The following MARCHF7 variants were observed in gnomAD, a reference collection of about 807,000 sequenced individuals.
The protein encoded by MARCHF7 is membrane associated ring-CH-type finger 7.
In MARCHF7, 20 loss-of-function variants were observed where a neutral mutation model predicts 76.5. The ratio of observed to expected loss-of-function variants is 0.26; its 90% CI spans 0.18 to 0.38. The LOEUF (loss-of-function observed/expected upper bound fraction) is 0.38, where lower values mean the gene tolerates loss of function less well. Among genes scored for constraint, MARCHF7 ranks in the 10% least tolerant of loss-of-function variants. The probability of loss-of-function intolerance (pLI) is 1.00; values close to 1 mark genes in which losing one functional copy is unlikely to be tolerated. For synonymous variants in MARCHF7, 295 were observed against 293.0 expected (o/e 1.01, Z -0.07); for missense variants, 797 against 812.9 (o/e 0.98, Z 0.24).
intron 3 of MARCHF7, among the ~76,000 whole-genome samples, chr2:159,721,012 C>T (rs1701577629): frequency 6.6e-6 from 1 of 150,922 alleles, no homozygotes; most frequent in East Asian, 1.9e-4. Flanking sequence ...CGCGAGCCAC[C>T]ACACACGGCT....
chr2:159,754,298 A>G (rs1371417209), intron 8 of MARCHF7, among the ~76,000 whole-genome samples: 2 of 152,212 alleles, frequency 1.3e-5, no homozygotes, highest in East Asian at 3.9e-4. Context: ...TGTGTTGTGC[A>G]AGCCAAAAGA....
chr2:159,759,149 C>A, intron 8 of MARCHF7, 77 bp from the exon 9 acceptor site: 1 of 781,510 alleles, frequency 1.3e-6, no homozygotes, highest in Non-Finnish European at 2.1e-6. Flanking sequence ...TTATTTTAAG[C>A]TTAAAACTTA....
At chr2:159,758,220 C>G (rs1480459187) in intron 8 of MARCHF7, among the ~76,000 whole-genome samples, 1 of 152,112 alleles carries the variant, frequency 6.6e-6, no homozygotes, top group Admixed American at 6.5e-5. Context: ...CAGAAAGAAC[C>G]TACAAGTTTA....
At chr2:159,764,537 T>A in intron 10 of MARCHF7, 89 bp from the exon 11 acceptor site, 3 of 1,003,786 alleles carry the variant, frequency 3.0e-6, no homozygotes, top group Non-Finnish European at 4.2e-6. Context: ...TTTGACTTTT[T>A]AAGTAGAAAT....
intron 3 of MARCHF7, among the ~76,000 whole-genome samples, chr2:159,727,542 C>T (rs1021442834): frequency 3.3e-5 from 5 of 152,160 alleles, no homozygotes; most frequent in South Asian, 4.2e-4. Flanking sequence ...GAGCCGAGAT[C>T]GTGCCACTTC....
At chr2:159,739,557 T>C (rs1021899292) in intron 4 of MARCHF7, among the ~76,000 whole-genome samples, 1 of 152,232 alleles carries the variant, frequency 6.6e-6, no homozygotes, top group East Asian at 1.9e-4. Context: ...AAGACAGACT[T>C]ATTCCCTGAT....
intron 6 of MARCHF7, 40 bp from the exon 7 acceptor site, chr2:159,747,765 A>C: frequency 6.6e-7 from 1 of 1,518,008 alleles, no homozygotes; most frequent in South Asian, 1.4e-5. Flanking sequence ...ATAATGCTCA[A>C]ATTATTTCAT....
At chr2:159,750,867 T>A (rs1175483273) in intron 7 of MARCHF7, among the ~76,000 whole-genome samples, 1 of 152,152 alleles carries the variant, frequency 6.6e-6, no homozygotes, top group Non-Finnish European at 1.5e-5. Flanking sequence ...TATTTTTAGA[T>A]TTTTTTGTAC....
chr2:159,722,561 C>T (rs182828530), intron 3 of MARCHF7, among the ~76,000 whole-genome samples: 66 of 152,322 alleles, frequency 4.3e-4, no homozygotes, highest in African/African-American at 1.4e-3. Context: ...CCCCCTACCT[C>T]ATTCGCTTGT....
chr2:159,757,525 G>A (rs1308898458), intron 8 of MARCHF7, among the ~76,000 whole-genome samples: 5 of 152,168 alleles, frequency 3.3e-5, no homozygotes, highest in Non-Finnish European at 2.9e-5. Context: ...GGTGGCTCAC[G>A]CCTGTAATCC....
At chr2:159,736,207 A>G (rs1402034644) in intron 4 of MARCHF7, among the ~76,000 whole-genome samples, 1 of 152,156 alleles carries the variant, frequency 6.6e-6, no homozygotes, top group Non-Finnish European at 1.5e-5. Flanking sequence ...CTGTTTTCAA[A>G]CTGGCTAGAT....
intron 4 of MARCHF7, chr2:159,733,833 C>G: frequency 2.6e-6 from 3 of 1,170,530 alleles, no homozygotes; most frequent in Non-Finnish European, 3.2e-6. Flanking sequence ...TGGTTTCTCT[C>G]ACTTACACGA....
At chr2:159,728,005 T>C (rs1702370282) in intron 3 of MARCHF7, among the ~76,000 whole-genome samples, 1 of 152,232 alleles carries the variant, frequency 6.6e-6, no homozygotes, top group South Asian at 2.1e-4. Context: ...TTTATTTGCA[T>C]AAATAGAATC....
At chr2:159,750,266 G>A (rs149784236) in intron 7 of MARCHF7, among the ~76,000 whole-genome samples, 9,735 of 152,198 alleles carry the variant, frequency 0.064, 395 homozygotes, top group Non-Finnish European at 0.092. Flanking sequence ...AGTGGTTCAC[G>A]CTGTAATCCC....
At chr2:159,743,499 A>G (rs780045614) in intron 5 of MARCHF7, among the ~76,000 whole-genome samples, 14 of 152,214 alleles carry the variant, frequency 9.2e-5, no homozygotes, top group Non-Finnish European at 2.1e-4. Context: ...CTGGTATTTT[A>G]TGATAATCAA....
intron 7 of MARCHF7, 75 bp downstream of exon 7, chr2:159,748,978 C>CTTTTTTT: frequency 2.6e-6 from 2 of 775,334 alleles, no homozygotes; most frequent in Non-Finnish European, 3.3e-6. Flanking sequence ...TTTTTCTTTT[C>CTTTTTTT]TTTTTTTTTT....
At chr2:159,761,021 CATTTA>C (rs1706985851) in intron 9 of MARCHF7, among the ~76,000 whole-genome samples, 1 of 150,014 alleles carries the variant, frequency 6.7e-6, no homozygotes, top group Admixed American at 6.7e-5. Flanking sequence ...AGGTGATAAC[CATTTA>C]ATTTTTTTTT....
intron 3 of MARCHF7, among the ~76,000 whole-genome samples, chr2:159,721,541 A>G (rs1204175713): frequency 6.6e-6 from 1 of 152,218 alleles, no homozygotes; most frequent in Non-Finnish European, 1.5e-5. Flanking sequence ...TCATCCAGAA[A>G]CTTCATCTCA....
chr2:159,725,110 CTT>C (rs2125354203), intron 3 of MARCHF7, among the ~76,000 whole-genome samples: 1 of 152,296 alleles, frequency 6.6e-6, no homozygotes, highest in South Asian at 2.1e-4. Context: ...GATTCCAAGT[CTT>C]TGCTATTGTG....
Sources: gnomAD v4.1 joint callset for allele counts (sites outside exome capture counted in the v4.1 genomes callset) on GRCh38, gnomAD v4.1.1 for gene constraint, MANE v1.5 for transcripts, NCBI Gene and HGNC (gene_info 2026-07-23, HGNC 2026-07-21) for gene names.